Variants in PTPRM observed in about 807,000 individuals in gnomAD.
PTPRM encodes protein tyrosine phosphatase receptor type M, also known as receptor-type tyrosine-protein phosphatase mu.
A neutral mutation model predicts 186.7 loss-of-function variants in PTPRM; 47 were observed. The ratio of observed to expected loss-of-function variants is 0.25; its 90% CI spans 0.20 to 0.32. The LOEUF is 0.32. Ranked by LOEUF, PTPRM falls within the 10% of genes least tolerant of loss-of-function variation. The pLI is 1.00. For missense variants in PTPRM, 1,494 were observed against 1,865.0 expected (o/e 0.80, Z 3.66); for synonymous variants, 668 against 674.9 (o/e 0.99, Z 0.16).
intron 21 of PTPRM, among the ~76,000 whole-genome samples, chr18:8,318,312 T>C (rs1328024699): frequency 2.3e-5 from 2 of 88,186 alleles, no homozygotes; most frequent in Non-Finnish European, 2.6e-5. Flanking sequence ...TTTTTTTTTT[T>C]TTGAGACAGG....
At chr18:8,080,146 G>A (rs960467335) in intron 9 of PTPRM, among the ~76,000 whole-genome samples, 9 of 136,426 alleles carry the variant, frequency 6.6e-5, no homozygotes, top group African/African-American at 2.2e-4. Context: ...TCTGTTGATG[G>A]GAACACACAT....
At chr18:7,718,491 C>T (rs964368448) in intron 1 of PTPRM, among the ~76,000 whole-genome samples, 2 of 152,166 alleles carry the variant, frequency 1.3e-5, no homozygotes, top group African/African-American at 2.4e-5. Flanking sequence ...CTCTTCTAGA[C>T]GTTGGCTTCA....
At chr18:7,941,142 G>C (rs2052147151) in intron 5 of PTPRM, among the ~76,000 whole-genome samples, 1 of 152,098 alleles carries the variant, frequency 6.6e-6, no homozygotes, top group Admixed American at 6.6e-5. Flanking sequence ...TTCTCAGCCA[G>C]CTGCGTTAAT....
chr18:8,364,621 A>G (rs1424756613), intron 23 of PTPRM, among the ~76,000 whole-genome samples: 1 of 152,188 alleles, frequency 6.6e-6, no homozygotes, highest in Non-Finnish European at 1.5e-5. Context: ...ACTATCCAAT[A>G]TCCATCCACC....
rs77283882 is a variant in PTPRM, at chr18:8,196,222, C to T, written c.2301-47836C>T. On this transcript the variant is annotated intron_variant, in intron 14 of 32. Coordinates refer to ENST00000580170, the MANE Select transcript of PTPRM (RefSeq NM_001105244.2). Reference sequence around the variant, plus strand: ...AGAACTCGGGGAGTGGGGCCTGTCACCTTAATCCCTTTCAGAAGTTCCAAG... The same window carrying T: ...AGAACTCGGGGAGTGGGGCCTGTCATCTTAATCCCTTTCAGAAGTTCCAAG... 5.3e-5 allele frequency among the ~76,000 whole-genome samples: 8 copies of T among 152,288 alleles called. No individual in the cohort carries two copies. The East Asian group carries it at 1.4e-3, about 26-fold the overall frequency.
intron 2 of PTPRM, 44 bp downstream of exon 2, chr18:7,774,315 A>G (rs2042478484): frequency 1.3e-6 from 2 of 1,599,506 alleles, no homozygotes; most frequent in Non-Finnish European, 1.7e-6. Flanking sequence ...GGAACACAAG[A>G]GTCTCAATCA....
intron 7 of PTPRM, among the ~76,000 whole-genome samples, chr18:7,985,691 G>C (rs1212693006): frequency 6.6e-6 from 1 of 151,042 alleles, no homozygotes; most frequent in Non-Finnish European, 1.5e-5. Context: ...GGGTAAATGA[G>C]ATGTTTTGAT....
At chr18:7,686,135 C>A (rs1247932233) in intron 1 of PTPRM, among the ~76,000 whole-genome samples, 1 of 152,164 alleles carries the variant, frequency 6.6e-6, no homozygotes, top group Non-Finnish European at 1.5e-5. Flanking sequence ...CTTGCACCAT[C>A]CCAGTCAAGA....
intron 1 of PTPRM, among the ~76,000 whole-genome samples, chr18:7,635,926 C>T (rs2144124558): frequency 1.3e-5 from 2 of 152,240 alleles, no homozygotes; most frequent in Middle Eastern, 3.4e-3. Context: ...GATAGAGTTA[C>T]CCATTGGGTT....
At chr18:7,579,415 G>A (rs1296106082) in intron 1 of PTPRM, among the ~76,000 whole-genome samples, 1 of 152,218 alleles carries the variant, frequency 6.6e-6, no homozygotes, top group African/African-American at 2.4e-5. Flanking sequence ...CATCTACTAT[G>A]AGGAGTGTTA....
intron 23 of PTPRM, among the ~76,000 whole-genome samples, chr18:8,352,095 A>T (rs1462997831): frequency 6.6e-6 from 1 of 152,244 alleles, no homozygotes; most frequent in Non-Finnish European, 1.5e-5. Flanking sequence ...GACACTAATA[A>T]TCCAAAGATA....
At chr18:7,632,832 G>A (rs1347766156) in intron 1 of PTPRM, among the ~76,000 whole-genome samples, 2 of 152,198 alleles carry the variant, frequency 1.3e-5, no homozygotes, top group African/African-American at 4.8e-5. Context: ...GCTCTGAGAA[G>A]GGATGAAAAT....
chr18:8,056,751 CAA>C (rs34470950), intron 7 of PTPRM, among the ~76,000 whole-genome samples: 3 of 143,806 alleles, frequency 2.1e-5, no homozygotes, highest in Non-Finnish European at 1.5e-5. Flanking sequence ...CCTTTTTTAG[CAA>C]AAAAAAAAAA....
At chr18:7,640,898 A>G (rs776479127) in intron 1 of PTPRM, among the ~76,000 whole-genome samples, 6 of 152,194 alleles carry the variant, frequency 3.9e-5, no homozygotes, top group East Asian at 1.9e-4. Context: ...TTTAAAGCCA[A>G]TAGAGCCTTT....
intron 8 of PTPRM, among the ~76,000 whole-genome samples, chr18:8,072,066 T>C (rs2089513897): frequency 6.6e-6 from 1 of 152,218 alleles, no homozygotes; most frequent in East Asian, 1.9e-4. Context: ...TATTTTTTTC[T>C]TTTTATTGTA....
chr18:7,894,609 A>AT (rs1297666364), intron 3 of PTPRM, among the ~76,000 whole-genome samples: 11 of 150,886 alleles, frequency 7.3e-5, no homozygotes, highest in African/African-American at 2.4e-4. Flanking sequence ...ATATATATAT[A>AT]TTTTTTAATA....
intron 29 of PTPRM, 144 bp from the exon 30 acceptor site, chr18:8,384,417 C>T: frequency 1.1e-6 from 1 of 902,024 alleles, no homozygotes; most frequent in African/African-American, 1.7e-5. Flanking sequence ...ATGATCGCAC[C>T]ACTGCACTCT....
intron 14 of PTPRM, among the ~76,000 whole-genome samples, chr18:8,178,512 G>A (rs761859782): frequency 6.6e-5 from 10 of 152,050 alleles, no homozygotes; most frequent in East Asian, 3.9e-4. Flanking sequence ...GGCTGGGCAC[G>A]GTGGCTCATG....
intron 14 of PTPRM, chr18:8,154,892 T>C (rs192657862): frequency 3.4e-4 from 52 of 152,356 alleles, no homozygotes; most frequent in Admixed American, 8.5e-4. Context: ...TTCTTTTCTT[T>C]GAAACATTTT....
Sources: allele counts gnomAD v4.1 joint callset (sites outside exome capture counted in the v4.1 genomes callset), GRCh38; gene constraint gnomAD v4.1.1; transcripts MANE v1.5; gene names NCBI Gene and HGNC (gene_info 2026-07-23, HGNC 2026-07-21).